The following TRERF1 variants were observed in gnomAD, a reference collection of about 807,000 sequenced individuals.
TRERF1 encodes the protein transcriptional regulating factor 1, also known as transcriptional-regulating factor 1.
A neutral mutation model predicts 122.9 loss-of-function variants in TRERF1; 27 were observed. The ratio of observed to expected loss-of-function variants is 0.22; its 90% CI spans 0.16 to 0.30. The LOEUF is 0.30. Ranked by LOEUF, TRERF1 falls within the 10% of genes least tolerant of loss-of-function variation. The probability of loss-of-function intolerance (pLI) is 1.00; values close to 1 mark genes in which losing one functional copy is unlikely to be tolerated. For synonymous variants in TRERF1, 636 were observed against 641.7 expected (o/e 0.99, Z 0.13); for missense variants, 1,248 against 1,560.3 (o/e 0.80, Z 3.37).
At chr6:42,400,404 G>A (rs745351754) in intron 2 of TRERF1, among the ~76,000 whole-genome samples, 2 of 152,186 alleles carry the variant, frequency 1.3e-5, no homozygotes, top group Admixed American at 6.5e-5. Flanking sequence ...GAGGTGGGGC[G>A]GGGGCAGCAG....
At chr6:42,370,825 T>G (rs1773625728) in intron 2 of TRERF1, among the ~76,000 whole-genome samples, 1 of 152,196 alleles carries the variant, frequency 6.6e-6, no homozygotes, top group Non-Finnish European at 1.5e-5. Flanking sequence ...CTCTCTGGCC[T>G]TCTGAGGTCA....
At position 42,228,654 on chromosome 6, in the gene TRERF1, G is replaced by C; in HGVS notation, c.3294C>G (p.Ile1098Met). The C allele has an allele frequency of 6.3e-7, 1 of 1,598,812 alleles. No homozygotes were observed. ...TTTTCATGTGTGCATTTCGGCTTTT[G>C]ATCTTGAAGAAGACTCTAAAAATAA... Residue 1098 changes from isoleucine to methionine, a missense_variant, in exon 18 of 18, where the codon ATC (isoleucine) becomes ATG (methionine). Physicochemically the swap from Ile to Met is conservative, Grantham distance 10 (BLOSUM62 1). Coordinates refer to ENST00000372922, the Ensembl canonical transcript of TRERF1. The surrounding 1 kb of genome is among the most constrained non-coding windows in gnomAD (Gnocchi z 4.2).
At chr6:42,281,918 A>C (rs1021543979) in intron 4 of TRERF1, among the ~76,000 whole-genome samples, 5 of 152,218 alleles carry the variant, frequency 3.3e-5, no homozygotes, top group African/African-American at 1.2e-4. Flanking sequence ...TAACTACCTT[A>C]CCAACCTCCC....
intron 2 of TRERF1, among the ~76,000 whole-genome samples, chr6:42,378,938 A>G (rs972055594): frequency 6.6e-6 from 1 of 152,062 alleles, no homozygotes; most frequent in Non-Finnish European, 1.5e-5. Flanking sequence ...CAACATAGTA[A>G]GACACTGTCT....
intron 4 of TRERF1, among the ~76,000 whole-genome samples, chr6:42,284,485 A>G (rs1331811597): frequency 1.3e-5 from 2 of 152,386 alleles, no homozygotes; most frequent in African/African-American, 4.8e-5. Context: ...CCTGTCACAC[A>G]TTCTCAGCTG....
intron 4 of TRERF1, among the ~76,000 whole-genome samples, chr6:42,282,245 A>G (rs754224395): frequency 1.3e-5 from 2 of 152,232 alleles, no homozygotes; most frequent in Non-Finnish European, 2.9e-5. Flanking sequence ...GATACTATGC[A>G]GTTGTTAAAA....
Position 42,268,348 on chromosome 6 carries a change from G to C in TRERF1, c.1243C>G (p.Gln415Glu), listed in dbSNP as rs772871503. 3.3e-6 allele frequency: 5 copies of C among 1,522,512 alleles called. No individual in the cohort carries two copies. In the South Asian group the frequency reaches 6.6e-5, roughly 20 times the overall value. The allele number at this position is 1,522,512 out of a possible 1,614,324, so 94.3% of individuals were successfully genotyped here. Reference sequence around the variant, plus strand: ...TGGGAGCTCAGCATGGCCTGGGCCTGTCTGTCACTAGAGTAGGTCTTCAGC... The same window carrying C: ...TGGGAGCTCAGCATGGCCTGGGCCTCTCTGTCACTAGAGTAGGTCTTCAGC... Residue 415 changes from glutamine to glutamate, a missense_variant, in exon 5 of 18, where the codon CAG becomes GAG. By Grantham distance (29) the Gln-to-Glu change is conservative. This residue lies in a region of TRERF1 where 946 missense variants were observed against 1,073.0 expected (regional missense o/e 0.88). Coordinates refer to ENST00000372922, the Ensembl canonical transcript of TRERF1. The surrounding 1 kb of genome is among the most constrained non-coding windows in gnomAD (Gnocchi z 4.4).
Position 42,263,154 on chromosome 6 carries a change from C to T in TRERF1, c.1884+166G>A. On this transcript the variant is annotated intron_variant, in intron 8 of 17. Transcript: ENST00000372922. This position sits in a 1 kb window ranked among gnomAD's most constrained non-coding sequence, Gnocchi z 5.6. ...GGCCACGGGTTCAGCCCTGAGAGAC[C>T]AAGCCGTATCCAAGCTCAGGTCAGT... 7.2e-7 allele frequency: 1 copy of T among 1,384,650 alleles called. No individual in the cohort carries two copies. The highest frequency in any genetic ancestry group is 9.3e-7 in the Non-Finnish European group (1 of 1,069,954). 85.8% of individuals were successfully genotyped at this position (1,384,650 alleles called of 1,614,324 possible). A position where few individuals can be genotyped will look rare whatever the true frequency, so the allele number is the denominator to read the frequency against.
At chr6:42,244,622 C>T (rs151321319) in intron 14 of TRERF1, among the ~76,000 whole-genome samples, 3 of 152,342 alleles carry the variant, frequency 2.0e-5, no homozygotes, top group African/African-American at 7.2e-5. Context: ...GAAATTTTTT[C>T]AGATCAGTCC....
chr6:42,373,974 A>G (rs1774297714), intron 2 of TRERF1, among the ~76,000 whole-genome samples: 1 of 150,312 alleles, frequency 6.7e-6, no homozygotes, highest in Non-Finnish European at 1.5e-5. Flanking sequence ...CTCTACTAAA[A>G]ATACAAAAAT....
At chr6:42,262,171 G>A (rs146829006) in intron 8 of TRERF1, among the ~76,000 whole-genome samples, 181 of 152,106 alleles carry the variant, frequency 1.2e-3, no homozygotes, top group African/African-American at 4.1e-3. Flanking sequence ...AAGTCCTGAC[G>A]GCTTATGAGA....
chr6:42,237,385 G>A (rs1479907154), intron 15 of TRERF1, among the ~76,000 whole-genome samples: 1 of 152,242 alleles, frequency 6.6e-6, no homozygotes, highest in Non-Finnish European at 1.5e-5. Context: ...CAGGGTAGGG[G>A]TGAGGGCTGC....
chr6:42,427,430 T>C (rs1365390588), intron 2 of TRERF1, among the ~76,000 whole-genome samples: 1 of 152,032 alleles, frequency 6.6e-6, no homozygotes, highest in East Asian at 1.9e-4. Context: ...GCTAACTTTT[T>C]TGTAGAGACA....
intron 4 of TRERF1, among the ~76,000 whole-genome samples, chr6:42,284,474 G>A (rs35951814): frequency 0.027 from 4,163 of 152,194 alleles, 57 homozygotes; most frequent in Non-Finnish European, 0.037. Context: ...AAAATGTGTC[G>A]CCTGTCACAC....
intron 3 of TRERF1, among the ~76,000 whole-genome samples, chr6:42,312,592 T>G (rs1358613182): frequency 6.6e-6 from 1 of 152,174 alleles, no homozygotes; most frequent in Non-Finnish European, 1.5e-5. Flanking sequence ...AAGCAGACAA[T>G]GCTGGCGCTG....
chr6:42,327,133 G>A (rs952347477), intron 3 of TRERF1, among the ~76,000 whole-genome samples: 1 of 152,196 alleles, frequency 6.6e-6, no homozygotes, highest in African/African-American at 2.4e-5. Context: ...CCAGGATAGA[G>A]GTCAATAGTG....
intron 2 of TRERF1, among the ~76,000 whole-genome samples, chr6:42,421,856 T>C (rs949234048): frequency 4.6e-5 from 7 of 151,648 alleles, no homozygotes; most frequent in Admixed American, 1.3e-4. Flanking sequence ...AACTGACAAA[T>C]AGATTGCAAA....
chr6:42,339,521 G>A (rs891458891), intron 3 of TRERF1, among the ~76,000 whole-genome samples: 1 of 152,148 alleles, frequency 6.6e-6, no homozygotes, highest in African/African-American at 2.4e-5. Context: ...GCTACGAATT[G>A]TACCCAAAGC....
At chr6:42,230,922 A>T (rs970261124) in intron 17 of TRERF1, among the ~76,000 whole-genome samples, 23 of 152,210 alleles carry the variant, frequency 1.5e-4, no homozygotes, top group African/African-American at 4.6e-4. Context: ...CTCGCTGTGA[A>T]CTGCAACAGG....
Sources: allele counts gnomAD v4.1 joint callset (sites outside exome capture counted in the v4.1 genomes callset), GRCh38; gene constraint gnomAD v4.1.1; regional missense constraint gnomAD v4.1.1; non-coding constraint Gnocchi (gnomAD v3.1); transcripts MANE v1.5; gene names NCBI Gene and HGNC (gene_info 2026-07-23, HGNC 2026-07-21).